RBFOX1: variants seen among roughly 807,000 people sequenced by gnomAD.
RBFOX1 encodes RNA binding fox-1 homolog 1.
In RBFOX1, 8 loss-of-function variants were observed where a neutral mutation model predicts 57.7. The ratio of observed to expected loss-of-function variants is 0.14; its 90% CI spans 0.08 to 0.25. The LOEUF (loss-of-function observed/expected upper bound fraction) is 0.25. Ranked by LOEUF, RBFOX1 falls within the 10% of genes least tolerant of loss-of-function variation. RBFOX1 has a pLI of 1.00. For synonymous variants in RBFOX1, 326 were observed against 222.4 expected (o/e 1.47, Z -4.15); for missense variants, 611 against 548.5 (o/e 1.11, Z -1.14).
At chr16:7,085,547 C>T (rs2059862280) in intron 4 of RBFOX1, among the ~76,000 whole-genome samples, 1 of 152,066 alleles carries the variant, frequency 6.6e-6, no homozygotes, top group Non-Finnish European at 1.5e-5. Context: ...AGATACAGAG[C>T]ACGTGTTCAG....
chr16:6,565,770 C>G (rs1473199672), intron 2 of RBFOX1, among the ~76,000 whole-genome samples: 11 of 152,196 alleles, frequency 7.2e-5, no homozygotes, highest in Admixed American at 5.9e-4. Flanking sequence ...ACCCAGCTCA[C>G]TTTTTCTTTA....
intron 1 of RBFOX1, among the ~76,000 whole-genome samples, chr16:6,193,396 A>ATATATATATATATATATATATATATAC (rs2097157552): frequency 3.1e-5 from 1 of 31,796 alleles, no homozygotes; most frequent in Non-Finnish European, 7.1e-5. Flanking sequence ...TATATACTAT[A>ATATATATATATATATATATATATATAC]TATATATATA....
intron 2 of RBFOX1, among the ~76,000 whole-genome samples, chr16:6,606,500 A>T (rs562217360): frequency 6.6e-6 from 1 of 152,110 alleles, no homozygotes; most frequent in South Asian, 2.1e-4. Flanking sequence ...TTAGCTGTTT[A>T]TCCTGATGCT....
intron 4 of RBFOX1, among the ~76,000 whole-genome samples, chr16:7,516,746 A>T (rs1462050605): frequency 6.6e-6 from 1 of 152,252 alleles, no homozygotes; most frequent in Non-Finnish European, 1.5e-5. Context: ...TCCTAAGCTT[A>T]GTTCTCTTCC....
At chr16:5,310,266 G>T (rs1371615331) in intron 1 of RBFOX1, among the ~76,000 whole-genome samples, 2 of 152,168 alleles carry the variant, frequency 1.3e-5, no homozygotes, top group African/African-American at 2.4e-5. Flanking sequence ...GCTGGGCATA[G>T]TAGTGCACAC....
intron 2 of RBFOX1, among the ~76,000 whole-genome samples, chr16:5,521,685 G>A (rs1275469627): frequency 6.6e-6 from 1 of 152,168 alleles, no homozygotes; most frequent in African/African-American, 2.4e-5. Flanking sequence ...GTCTGCTGCA[G>A]ATCTCCCTGG....
At chr16:5,283,928 G>A (rs2063331759) in intron 1 of RBFOX1, among the ~76,000 whole-genome samples, 1 of 152,008 alleles carries the variant, frequency 6.6e-6, no homozygotes, top group Non-Finnish European at 1.5e-5. Context: ...AGGGGCCAGG[G>A]GCAGAATGAT....
chr16:6,381,113 G>GA (rs1205932545), intron 2 of RBFOX1, among the ~76,000 whole-genome samples: 1 of 152,160 alleles, frequency 6.6e-6, no homozygotes, highest in Non-Finnish European at 1.5e-5. Context: ...TCAAATGGGA[G>GA]ACAAAAGAAT....
intron 4 of RBFOX1, among the ~76,000 whole-genome samples, chr16:7,268,813 C>T (rs1267464134): frequency 6.6e-6 from 1 of 151,726 alleles, no homozygotes; most frequent in Non-Finnish European, 1.5e-5. Flanking sequence ...GTGGGTGGGG[C>T]GGATCACGAG....
chr16:6,069,886 C>T (rs1047700235), intron 1 of RBFOX1, among the ~76,000 whole-genome samples: 1 of 152,030 alleles, frequency 6.6e-6, no homozygotes, highest in African/African-American at 2.4e-5. Flanking sequence ...ATTCGGGAGG[C>T]TGAGGCAGGA....
chr16:5,795,094 G>A (rs2054831871), intron 3 of RBFOX1, among the ~76,000 whole-genome samples: 1 of 152,188 alleles, frequency 6.6e-6, no homozygotes, highest in Non-Finnish European at 1.5e-5. Flanking sequence ...TGTGGAGAAT[G>A]GGAAAAGAAA....
At chr16:6,645,051 AG>A in intron 2 of RBFOX1, among the ~76,000 whole-genome samples, 1 of 152,248 alleles carries the variant, frequency 6.6e-6, no homozygotes, top group South Asian at 2.1e-4. Flanking sequence ...CTCCCAGCAA[AG>A]GTTCTGGGGA....
At chr16:6,913,508 T>G (rs1197277526) in intron 3 of RBFOX1, among the ~76,000 whole-genome samples, 1 of 152,142 alleles carries the variant, frequency 6.6e-6, no homozygotes, top group Non-Finnish European at 1.5e-5. Context: ...GGCCCCATCA[T>G]CTGCAGTGCC....
At chr16:7,699,293 G>C (rs1235917795) in intron 14 of RBFOX1, among the ~76,000 whole-genome samples, 1 of 151,812 alleles carries the variant, frequency 6.6e-6, no homozygotes, top group Non-Finnish European at 1.5e-5. Context: ...CTGGGATCTA[G>C]CGATCCTCCC....
chr16:7,633,413 C>A (rs978937182), intron 11 of RBFOX1, among the ~76,000 whole-genome samples: 1 of 152,042 alleles, frequency 6.6e-6, no homozygotes, highest in Non-Finnish European at 1.5e-5. Context: ...ATGCCATGTG[C>A]TTTTTATAAA....
intron 3 of RBFOX1, chr16:6,705,557 A>T (rs2062587540): frequency 6.6e-6 from 1 of 152,156 alleles, no homozygotes; most frequent in Non-Finnish European, 1.5e-5. Context: ...ATTCTCCAAA[A>T]AGGGAAGAAG....
chr16:5,723,190 C>A (rs1011290328), intron 3 of RBFOX1, among the ~76,000 whole-genome samples: 1 of 152,190 alleles, frequency 6.6e-6, no homozygotes, highest in Non-Finnish European at 1.5e-5. Flanking sequence ...ATGGGAGAAT[C>A]ACAACGGGAT....
At chr16:6,160,181 C>G (rs1197726775) in intron 1 of RBFOX1, among the ~76,000 whole-genome samples, 3 of 152,094 alleles carry the variant, frequency 2.0e-5, no homozygotes, top group African/African-American at 7.2e-5. Context: ...TAATTAAATG[C>G]AAGGGGAACA....
intron 4 of RBFOX1, among the ~76,000 whole-genome samples, chr16:7,468,039 C>T (rs542206870): frequency 1.5e-4 from 23 of 152,320 alleles, no homozygotes; most frequent in African/African-American, 5.3e-4. Flanking sequence ...ACTTGTTAGC[C>T]GCTGAACTTC....
Sources: allele counts gnomAD v4.1 joint callset (sites outside exome capture counted in the v4.1 genomes callset), GRCh38; gene constraint gnomAD v4.1.1; transcripts MANE v1.5; gene names NCBI Gene and HGNC (gene_info 2026-07-23, HGNC 2026-07-21).